Variants in CNTN4 observed in about 807,000 individuals in gnomAD.
The protein encoded by CNTN4 is contactin-4.
Under a neutral mutation model 122.5 loss-of-function variants are expected in CNTN4, and 77 were observed. That is an observed-to-expected ratio of 0.63 (90% CI 0.52 to 0.76). The LOEUF is 0.76. Among genes scored for constraint, CNTN4 ranks in the 30% least tolerant of loss-of-function variants. The pLI is 0.00. For missense variants in CNTN4, 1,256 were observed against 1,259.1 expected (o/e 1.00, Z 0.04); for synonymous variants, 512 against 447.0 (o/e 1.15, Z -1.83).
At chr3:2,839,031 A>G (rs552714668) in intron 7 of CNTN4, among the ~76,000 whole-genome samples, 1 of 152,298 alleles carries the variant, frequency 6.6e-6, no homozygotes, top group Admixed American at 6.5e-5. Flanking sequence ...ATGTCGTACT[A>G]ATGGCCTCCT....
chr3:2,788,913 G>A (rs2091921237), intron 6 of CNTN4, among the ~76,000 whole-genome samples: 2 of 152,096 alleles, frequency 1.3e-5, no homozygotes, highest in South Asian at 2.1e-4. Flanking sequence ...TTACATAGAT[G>A]AGCATATCAA....
At chr3:2,552,794 T>A (rs780936542) in intron 3 of CNTN4, among the ~76,000 whole-genome samples, 1 of 152,160 alleles carries the variant, frequency 6.6e-6, no homozygotes, top group Non-Finnish European at 1.5e-5. Context: ...AAAACCAATT[T>A]GATGGAACAT....
intron 7 of CNTN4, among the ~76,000 whole-genome samples, chr3:2,830,293 A>T (rs1266126389): frequency 6.6e-6 from 1 of 152,208 alleles, no homozygotes; most frequent in Non-Finnish European, 1.5e-5. Flanking sequence ...CTTTTTAAAC[A>T]TCCAAAAAAA....
intron 3 of CNTN4, among the ~76,000 whole-genome samples, chr3:2,535,800 A>G (rs2077781234): frequency 6.6e-6 from 1 of 152,152 alleles, no homozygotes; most frequent in South Asian, 2.1e-4. Context: ...ATGCATGTTT[A>G]AGAGACCCCC....
intron 3 of CNTN4, among the ~76,000 whole-genome samples, chr3:2,344,794 A>G (rs2044340730): frequency 1.3e-5 from 2 of 152,212 alleles, no homozygotes; most frequent in Non-Finnish European, 2.9e-5. Context: ...TAGACCCTCC[A>G]TAACTGATAC....
At chr3:2,366,717 A>C (rs982625059) in intron 3 of CNTN4, among the ~76,000 whole-genome samples, 1 of 151,272 alleles carries the variant, frequency 6.6e-6, no homozygotes, top group Non-Finnish European at 1.5e-5. Context: ...ACAAAGCGAG[A>C]CTCTGTCTCA....
At chr3:2,961,105 C>T (rs2094851403) in intron 13 of CNTN4, among the ~76,000 whole-genome samples, 1 of 142,514 alleles carries the variant, frequency 7.0e-6, no homozygotes, top group Admixed American at 7.2e-5. Context: ...TGATGGGCGC[C>T]TGTAGTCCCA....
At chr3:2,628,310 C>T (rs1024756720) in intron 4 of CNTN4, among the ~76,000 whole-genome samples, 6 of 152,098 alleles carry the variant, frequency 3.9e-5, no homozygotes, top group South Asian at 4.2e-4. Flanking sequence ...TAGGAGGTGC[C>T]GCAGGAACAC....
intron 2 of CNTN4, among the ~76,000 whole-genome samples, chr3:2,213,518 C>A (rs2038708615): frequency 6.6e-6 from 1 of 152,162 alleles, no homozygotes; most frequent in East Asian, 1.9e-4. Flanking sequence ...TACACCTGTA[C>A]CTTCAGCAGT....
chr3:2,965,273 T>C (rs926771594), intron 13 of CNTN4, among the ~76,000 whole-genome samples: 1 of 152,212 alleles, frequency 6.6e-6, no homozygotes. Flanking sequence ...TCCTCCTAAC[T>C]GTTCCTCCTA....
At chr3:2,686,426 C>T (rs2085433694) in intron 4 of CNTN4, among the ~76,000 whole-genome samples, 1 of 152,138 alleles carries the variant, frequency 6.6e-6, no homozygotes, top group South Asian at 2.1e-4. Flanking sequence ...CACCCCATCT[C>T]CTCCAGGATA....
chr3:2,569,550 C>T (rs977893292), intron 3 of CNTN4, among the ~76,000 whole-genome samples: 10 of 152,112 alleles, frequency 6.6e-5, no homozygotes, highest in African/African-American at 2.2e-4. Context: ...TATTTTTTTA[C>T]ATGAAAGCTA....
chr3:3,015,077 A>G (rs753316864), intron 14 of CNTN4, among the ~76,000 whole-genome samples: 3 of 152,154 alleles, frequency 2.0e-5, no homozygotes, highest in Non-Finnish European at 4.4e-5. Context: ...GTCTTAATTC[A>G]GGGCTCTTCA....
chr3:2,993,507 C>T (rs1212206689), intron 14 of CNTN4, among the ~76,000 whole-genome samples: 1 of 151,836 alleles, frequency 6.6e-6, no homozygotes, highest in East Asian at 1.9e-4. Context: ...CCATGTTGGT[C>T]AAGGCTGGTT....
intron 8 of CNTN4, among the ~76,000 whole-genome samples, chr3:2,875,790 TACA>T (rs2093837395): frequency 6.6e-6 from 1 of 152,174 alleles, no homozygotes; most frequent in Admixed American, 6.6e-5. Context: ...TTTAGTTCAA[TACA>T]ACATGGATAC....
At position 2,314,573 on chromosome 3, in the gene CNTN4, G is replaced by A. The variant is rs183770513; in HGVS notation, c.-144-24605G>A. On this transcript the variant is annotated intron_variant, in intron 2 of 24. Transcript: ENST00000418658. ...TCAGATGAAACTCAGATTTATTAAG[G>A]AATAAATGTTAAATATATAATTACA... Among the ~76,000 whole-genome samples the A allele has an allele frequency of 1.5e-3, 221 of 151,670 alleles. 2 individuals carry two copies. The highest frequency in any genetic ancestry group is 5.1e-3 in the African/African-American group (212 of 41,422).
intron 7 of CNTN4, among the ~76,000 whole-genome samples, chr3:2,820,046 G>A (rs1650445989): frequency 6.6e-6 from 1 of 152,114 alleles, no homozygotes; most frequent in South Asian, 2.1e-4. Context: ...CCAACTGGCT[G>A]TCCAACGATT....
At chr3:2,948,638 C>A (rs906098369) in intron 13 of CNTN4, among the ~76,000 whole-genome samples, 2 of 152,066 alleles carry the variant, frequency 1.3e-5, no homozygotes, top group Non-Finnish European at 2.9e-5. Flanking sequence ...TTATTTCTGG[C>A]AGGTTTGGAG....
intron 13 of CNTN4, among the ~76,000 whole-genome samples, chr3:2,982,793 T>C (rs9837218): frequency 0.071 from 10,815 of 152,230 alleles, 1,080 homozygotes; most frequent in African/African-American, 0.22. Context: ...TTTTACTGTG[T>C]GCTTATAGAA....
Sources: gnomAD v4.1 joint callset for allele counts (sites outside exome capture counted in the v4.1 genomes callset) on GRCh38, gnomAD v4.1.1 for gene constraint, MANE v1.5 for transcripts, NCBI Gene and HGNC (gene_info 2026-07-23, HGNC 2026-07-21) for gene names.